IL1RAPL1: variants seen among roughly 807,000 people sequenced by gnomAD.
The protein encoded by IL1RAPL1 is interleukin-1 receptor accessory protein-like 1.
A neutral mutation model predicts 48.4 loss-of-function variants in IL1RAPL1; 3 were observed. The ratio of observed to expected loss-of-function variants is 0.06; its 90% CI spans 0.03 to 0.16. The LOEUF (loss-of-function observed/expected upper bound fraction) is 0.16. Ranked by LOEUF, IL1RAPL1 falls within the 10% of genes least tolerant of loss-of-function variation. The probability of loss-of-function intolerance (pLI) is 1.00; values close to 1 mark genes in which losing one functional copy is unlikely to be tolerated. For synonymous variants in IL1RAPL1, 185 were observed against 187.7 expected (o/e 0.99, Z 0.12); for missense variants, 349 against 530.6 (o/e 0.66, Z 3.36).
At chrX:28,776,259 TGTG>T (rs1936361615) in intron 1 of IL1RAPL1, among the ~76,000 whole-genome samples, 1 of 111,687 alleles carries the variant, frequency 9.0e-6, no homozygotes, top group Non-Finnish European at 1.9e-5. Flanking sequence ...TATTTCTAGA[TGTG>T]GTGGGAAGAA....
chrX:29,761,638 G>A (rs1928754665), intron 6 of IL1RAPL1, among the ~76,000 whole-genome samples: 1 of 111,834 alleles, frequency 8.9e-6, no homozygotes, highest in Non-Finnish European at 1.9e-5. Flanking sequence ...AATCACTAAT[G>A]TATGTGAAAC....
intron 2 of IL1RAPL1, among the ~76,000 whole-genome samples, chrX:29,087,496 A>G (rs972733457): frequency 3.6e-5 from 4 of 111,129 alleles, no homozygotes; most frequent in Non-Finnish European, 7.5e-5. Flanking sequence ...TACAACATAA[A>G]CTGTTATTAT....
At chrX:29,784,805 T>A (rs750059992) in intron 6 of IL1RAPL1, among the ~76,000 whole-genome samples, 58 of 111,670 alleles carry the variant, frequency 5.2e-4, no homozygotes, top group Non-Finnish European at 9.8e-4. Flanking sequence ...TAAAAGCAAA[T>A]GAACCATCTC....
chrX:29,347,669 T>C (rs891817705), intron 3 of IL1RAPL1, among the ~76,000 whole-genome samples: 6 of 111,438 alleles, frequency 5.4e-5, no homozygotes, highest in Non-Finnish European at 9.4e-5. Context: ...GGATTACAGA[T>C]GTGAGCTACC....
intron 2 of IL1RAPL1, among the ~76,000 whole-genome samples, chrX:28,838,983 T>C (rs1921295535): frequency 9.0e-6 from 1 of 111,048 alleles, no homozygotes; most frequent in Non-Finnish European, 1.9e-5. Flanking sequence ...TGTCTCCAGC[T>C]CCTATGGCAC....
chrX:28,787,016 G>A (rs1936483028), intron 1 of IL1RAPL1, among the ~76,000 whole-genome samples: 1 of 112,044 alleles, frequency 8.9e-6, no homozygotes, highest in South Asian at 3.7e-4. Flanking sequence ...TGACCAAGAT[G>A]TTAAGTCTGT....
intron 5 of IL1RAPL1, among the ~76,000 whole-genome samples, chrX:29,633,466 T>TAC (rs753549818): frequency 4.9e-4 from 48 of 98,671 alleles, no homozygotes; most frequent in East Asian, 3.3e-3. Flanking sequence ...TCGATATATA[T>TAC]ATACACACAC....
intron 2 of IL1RAPL1, among the ~76,000 whole-genome samples, chrX:29,223,110 C>G (rs1931013712): frequency 9.0e-6 from 1 of 111,208 alleles, no homozygotes; most frequent in African/African-American, 3.3e-5. Context: ...CCAGAATGAT[C>G]TTTCATAAAG....
At chrX:29,486,612 CAAAAAAAA>C (rs768358495) in intron 5 of IL1RAPL1, among the ~76,000 whole-genome samples, 1 of 40,915 alleles carries the variant, frequency 2.4e-5, no homozygotes, top group Non-Finnish European at 4.1e-5. Flanking sequence ...AAGTGCTATA[CAAAAAAAA>C]AAAAAAAAAA....
At chrX:29,592,726 A>T (rs752443027) in intron 5 of IL1RAPL1, among the ~76,000 whole-genome samples, 1 of 111,496 alleles carries the variant, frequency 9.0e-6, no homozygotes, top group African/African-American at 3.3e-5. Context: ...CATCGTTTTC[A>T]GCTTCACCCC....
chrX:29,065,920 C>T (rs1387318436), intron 2 of IL1RAPL1, among the ~76,000 whole-genome samples: 1 of 111,542 alleles, frequency 9.0e-6, no homozygotes, highest in Non-Finnish European at 1.9e-5. Flanking sequence ...ATAGCATTGC[C>T]ATCATAATTT....
intron 2 of IL1RAPL1, among the ~76,000 whole-genome samples, chrX:28,853,324 A>G (rs1411793653): frequency 1.8e-5 from 2 of 111,612 alleles, no homozygotes; most frequent in African/African-American, 6.5e-5. Flanking sequence ...TACCTTTGAA[A>G]ACGACCTTTT....
rs749298856 is a variant in IL1RAPL1 at position 28,730,472 on chromosome X, C to A, written c.-24-58848C>A. On this transcript the variant is annotated intron_variant, in intron 1 of 10. Coordinates refer to ENST00000378993, the MANE Select transcript of IL1RAPL1 (RefSeq NM_014271.4). ...TTGGCCATATTTTCTACAAAATTATCTAACATAGAATGAACATATTTATTC... is the reference window on the plus strand; with the variant it reads ...TTGGCCATATTTTCTACAAAATTATATAACATAGAATGAACATATTTATTC... 8.1e-5 allele frequency among the ~76,000 whole-genome samples: 9 copies of A among 111,335 alleles called. No homozygotes were observed. In the East Asian group the frequency reaches 2.2e-3, roughly 28 times the overall value.
chrX:28,990,962 T>C (rs755631022), intron 2 of IL1RAPL1, among the ~76,000 whole-genome samples: 1 of 112,141 alleles, frequency 8.9e-6, no homozygotes, highest in South Asian at 3.7e-4. Flanking sequence ...GAAAAGTAGA[T>C]GACTAAACAA....
chrX:29,708,789 C>T (rs188295517), intron 6 of IL1RAPL1, among the ~76,000 whole-genome samples: 36 of 111,720 alleles, frequency 3.2e-4, no homozygotes, highest in Admixed American at 1.1e-3. Flanking sequence ...TTTGATAAAC[C>T]TCTATACTAT....
intron 1 of IL1RAPL1, among the ~76,000 whole-genome samples, chrX:28,679,171 C>T (rs1389469076): frequency 8.9e-6 from 1 of 112,012 alleles, no homozygotes. Context: ...TTTTGATTTG[C>T]ATTTTCCCCA....
At chrX:29,481,717 A>G in intron 5 of IL1RAPL1, among the ~76,000 whole-genome samples, 1 of 112,086 alleles carries the variant, frequency 8.9e-6, no homozygotes, top group East Asian at 2.8e-4. Flanking sequence ...GAAACTAACC[A>G]CCACTTAAGA....
chrX:29,051,632 C>G (rs985292477), intron 2 of IL1RAPL1, among the ~76,000 whole-genome samples: 1 of 111,980 alleles, frequency 8.9e-6, no homozygotes, highest in Non-Finnish European at 1.9e-5. Flanking sequence ...CCTTGGCTAC[C>G]TTTTGCTGCT....
chrX:28,682,848 C>T (rs920874850), intron 1 of IL1RAPL1, among the ~76,000 whole-genome samples: 2 of 111,909 alleles, frequency 1.8e-5, no homozygotes, highest in Non-Finnish European at 3.8e-5. Context: ...AAAACTGTTA[C>T]AAGTTAAAGT....
Sources: gnomAD v4.1 joint callset for allele counts (sites outside exome capture counted in the v4.1 genomes callset) on GRCh38, gnomAD v4.1.1 for gene constraint, MANE v1.5 for transcripts, NCBI Gene and HGNC (gene_info 2026-07-23, HGNC 2026-07-21) for gene names.